Variants in GDPD1 observed in about 807,000 individuals in gnomAD.
GDPD1 encodes the protein glycerophosphodiester phosphodiesterase domain containing 1.
Under a neutral mutation model 45.1 loss-of-function variants are expected in GDPD1, and 28 were observed. That is an observed-to-expected ratio of 0.62 (90% CI 0.46 to 0.85). The LOEUF is 0.85. Ranked by LOEUF, GDPD1 falls within the 40% of genes least tolerant of loss-of-function variation. GDPD1 has a pLI of 0.00. For synonymous variants in GDPD1, 139 were observed against 131.4 expected (o/e 1.06, Z -0.40); for missense variants, 256 against 364.8 (o/e 0.70, Z 2.43).
At chr17:59,231,241 C>T (rs977158901) in intron 1 of GDPD1, among the ~76,000 whole-genome samples, 1 of 152,084 alleles carries the variant, frequency 6.6e-6, no homozygotes, top group Admixed American at 6.6e-5. Flanking sequence ...ATGTACTTTC[C>T]CCTAAACGTG....
intron 7 of GDPD1, 113 bp downstream of exon 7, chr17:59,267,287 A>C (rs2047406303): frequency 3.2e-6 from 3 of 941,956 alleles, no homozygotes; most frequent in Non-Finnish European, 4.8e-6. Context: ...AGTGATTTCC[A>C]TGTTCTATTA....
intron 1 of GDPD1, among the ~76,000 whole-genome samples, chr17:59,231,520 G>T (rs915716611): frequency 2.0e-5 from 3 of 151,460 alleles, no homozygotes; most frequent in African/African-American, 7.3e-5. Context: ...TAGAGACGGG[G>T]TTTCACCATG....
At chr17:59,270,866 T>A in intron 7 of GDPD1, 70 bp from the exon 8 acceptor site, 2 of 957,822 alleles carry the variant, frequency 2.1e-6, no homozygotes. Context: ...ATTTTTGAAT[T>A]TGTTTCATTT....
chr17:59,229,606 G>A (rs913211485), intron 1 of GDPD1, among the ~76,000 whole-genome samples: 8 of 151,932 alleles, frequency 5.3e-5, no homozygotes, highest in South Asian at 2.1e-4. Context: ...CAGGTTATCC[G>A]CCCGCCTCGG....
intron 1 of GDPD1, among the ~76,000 whole-genome samples, chr17:59,227,919 C>T (rs2047059688): frequency 6.6e-6 from 1 of 152,170 alleles, no homozygotes; most frequent in African/African-American, 2.4e-5. Flanking sequence ...CCTGTAATCA[C>T]AGCACTTTGG....
At chr17:59,222,224 T>C (rs1388649231) in intron 1 of GDPD1, among the ~76,000 whole-genome samples, 1 of 152,178 alleles carries the variant, frequency 6.6e-6, no homozygotes, top group East Asian at 1.9e-4. Flanking sequence ...TTGTTTGTTT[T>C]GAGATGGAGT....
At chr17:59,265,617 G>T (rs1271839768) in intron 6 of GDPD1, among the ~76,000 whole-genome samples, 1 of 151,720 alleles carries the variant, frequency 6.6e-6, no homozygotes, top group Non-Finnish European at 1.5e-5. Context: ...TATAAAGTTG[G>T]CCAGGCAAGG....
intron 4 of GDPD1, among the ~76,000 whole-genome samples, chr17:59,255,774 T>TATACACAC (rs2047295229): frequency 1.3e-5 from 1 of 79,264 alleles, no homozygotes; most frequent in African/African-American, 8.7e-5. Flanking sequence ...TATATATATA[T>TATACACAC]ATATATATAT....
chr17:59,273,661 G>T lies in GDPD1; in HGVS notation c.833G>T (p.Trp278Leu). ...LTARGIQVYIWVLNEEQEYKR... is the reference protein window; with the variant it reads ...LTARGIQVYILVLNEEQEYKR... ...ACTTCTAATTTTCAGGTGTATATTT[G>T]GGTATTAAATGAAGAACAAGAATAC... Residue 278 changes from tryptophan to leucine, a missense_variant, in exon 10 of 10, where the codon TGG becomes TTG. Trp to Leu is a moderately conservative substitution (Grantham distance 61, BLOSUM62 -2). Coordinates refer to ENST00000284116, the MANE Select transcript of GDPD1 (RefSeq NM_182569.4). The T allele has an allele frequency of 6.7e-7, 1 of 1,499,668 alleles. No homozygotes were observed. The highest frequency in any genetic ancestry group is 9.2e-7 in the Non-Finnish European group (1 of 1,087,628). 92.9% of individuals were successfully genotyped at this position (1,499,668 alleles called of 1,614,324 possible). A position where few individuals can be genotyped will look rare whatever the true frequency, so the allele number is the denominator to read the frequency against.
At chr17:59,266,387 C>CA (rs540974713) in intron 6 of GDPD1, among the ~76,000 whole-genome samples, 3,995 of 64,382 alleles carry the variant, frequency 0.062, 192 homozygotes, top group African/African-American at 0.16. Context: ...GACTCCGTCT[C>CA]AAAAAAAAAA....
chr17:59,273,874 T>G lies in GDPD1; in HGVS notation c.*101T>G. On this transcript the variant is annotated 3_prime_UTR_variant, in exon 10 of 10. Transcript: ENST00000284116. ...GCCATTTCCAGAATGGTAAAAGGTT[T>G]AATCAGTTTTTATTACCTCATTTTT... The G allele has an allele frequency of 2.3e-6, 3 of 1,307,554 alleles. No individual in the cohort carries two copies. Among genetic ancestry groups the G allele is most frequent in the Non-Finnish European group, 2.9e-6 (3 of 1,021,546 alleles). The allele number at this position is 1,307,554 out of a possible 1,614,324, so 81.0% of individuals were successfully genotyped here.
At chr17:59,270,408 A>G (rs1376956927) in intron 7 of GDPD1, among the ~76,000 whole-genome samples, 1 of 151,784 alleles carries the variant, frequency 6.6e-6, no homozygotes, top group Non-Finnish European at 1.5e-5. Flanking sequence ...TATGTTGGCC[A>G]GGCTGGTCTG....
intron 6 of GDPD1, among the ~76,000 whole-genome samples, chr17:59,259,287 G>C (rs555593492): frequency 4.0e-4 from 61 of 150,862 alleles, no homozygotes; most frequent in Middle Eastern, 3.5e-3. Context: ...AAAAATAGAG[G>C]CCGGGCGCGG....
At chr17:59,252,387 C>T (rs1445312891) in intron 4 of GDPD1, among the ~76,000 whole-genome samples, 3 of 151,446 alleles carry the variant, frequency 2.0e-5, no homozygotes, top group Admixed American at 6.6e-5. Context: ...TACAGGTGCC[C>T]GCCACCACTC....
rs1487047881 is a variant in GDPD1, at chr17:59,269,390, GTTTAT to G, written c.711-1538_711-1534del. Among the ~76,000 whole-genome samples the G allele has an allele frequency of 4.0e-5, 6 of 151,304 alleles. No individual in the cohort carries two copies. The East Asian group carries it at 7.8e-4, about 20-fold the overall frequency. ...ATTTCAGTATCTTAGTGATAAACAT[GTTTAT>G]TTTATTTATTCCTAAATTATATTTA... On this transcript the variant is annotated intron_variant, in intron 7 of 9. Coordinates refer to ENST00000284116, the MANE Select transcript of GDPD1 (RefSeq NM_182569.4).
At chr17:59,233,058 G>A (rs1364843946) in intron 1 of GDPD1, among the ~76,000 whole-genome samples, 1 of 151,854 alleles carries the variant, frequency 6.6e-6, no homozygotes, top group Non-Finnish European at 1.5e-5. Flanking sequence ...TCTACTAAAA[G>A]TATAAAAATT....
At chr17:59,268,007 C>T (rs904969323) in intron 7 of GDPD1, among the ~76,000 whole-genome samples, 3 of 151,966 alleles carry the variant, frequency 2.0e-5, no homozygotes, top group Non-Finnish European at 2.9e-5. Flanking sequence ...ACTAGAAAAG[C>T]CTTGCATTTC....
At chr17:59,234,401 A>G in intron 1 of GDPD1, 91 bp from the exon 2 acceptor site, 13 of 711,314 alleles carry the variant, frequency 1.8e-5, no homozygotes, top group Middle Eastern at 4.0e-4. Context: ...AAAAAAAAAA[A>G]GGTCAAGATT....
At chr17:59,234,442 A>C (rs767512705) in intron 1 of GDPD1, 50 bp from the exon 2 acceptor site, 6 of 1,167,602 alleles carry the variant, frequency 5.1e-6, no homozygotes, top group Non-Finnish European at 7.6e-6. Context: ...AATTAACTTC[A>C]GGAAAATTAA....
Sources: allele counts gnomAD v4.1 joint callset (sites outside exome capture counted in the v4.1 genomes callset), GRCh38; gene constraint gnomAD v4.1.1; transcripts MANE v1.5; gene names NCBI Gene and HGNC (gene_info 2026-07-23, HGNC 2026-07-21).